The following FRMD4B variants were observed in gnomAD, a reference collection of about 807,000 sequenced individuals.
FRMD4B encodes the protein FERM domain containing 4B.
FRMD4B carries 74 observed loss-of-function variants against 141.5 expected under a neutral mutation model. That is an observed-to-expected ratio of 0.52 (90% CI 0.43 to 0.63). The LOEUF (loss-of-function observed/expected upper bound fraction) is 0.63, where lower values mean the gene tolerates loss of function less well. FRMD4B is among the 30% of genes least tolerant of loss of function. The probability of loss-of-function intolerance (pLI) is 0.00; values close to 1 mark genes in which losing one functional copy is unlikely to be tolerated. For synonymous variants in FRMD4B, 506 were observed against 467.9 expected, an observed-to-expected ratio of 1.08 and a Z score of -1.05; for missense variants, 1,366 against 1,253.4, an observed-to-expected ratio of 1.09 and a Z score of -1.36.
intron 22 of FRMD4B, 91 bp downstream of exon 22, chr3:69,176,433 G>C (rs2092646795): frequency 3.5e-6 from 4 of 1,137,226 alleles, no homozygotes; most frequent in African/African-American, 3.1e-5. Context: ...GCCAACCCCT[G>C]AACTAGATTA....
At chr3:69,440,002 G>A (rs145586400) in intron 1 of FRMD4B, among the ~76,000 whole-genome samples, 222 of 152,214 alleles carry the variant, frequency 1.5e-3, no homozygotes, top group African/African-American at 4.9e-3. Context: ...GTTATTTGGG[G>A]TTGCAAATGC....
chr3:69,321,939 C>G (rs572346832), intron 1 of FRMD4B, among the ~76,000 whole-genome samples: 156 of 152,242 alleles, frequency 1.0e-3, no homozygotes, highest in African/African-American at 3.6e-3. Flanking sequence ...AACCCCCAGG[C>G]TCAAGTAGTC....
chr3:69,318,013 C>A (rs1335663641), intron 1 of FRMD4B, among the ~76,000 whole-genome samples: 1 of 152,044 alleles, frequency 6.6e-6, no homozygotes. Flanking sequence ...ACTCTGTCAC[C>A]CAGGCTGGAA....
At chr3:69,250,491 TC>T (rs1559752645) in intron 5 of FRMD4B, among the ~76,000 whole-genome samples, 1 of 152,186 alleles carries the variant, frequency 6.6e-6, no homozygotes, top group African/African-American at 2.4e-5. Context: ...TTGAGTGTTT[TC>T]CTGGGATAAT....
intron 1 of FRMD4B, among the ~76,000 whole-genome samples, chr3:69,456,686 T>C (rs1435457330): frequency 1.3e-5 from 2 of 149,518 alleles, no homozygotes; most frequent in Non-Finnish European, 3.0e-5. Flanking sequence ...CACTAATGAA[T>C]ATTTAAATAC....
At chr3:69,205,690 T>C (rs1419867795) in intron 11 of FRMD4B, among the ~76,000 whole-genome samples, 1 of 152,130 alleles carries the variant, frequency 6.6e-6, no homozygotes, top group Admixed American at 6.5e-5. Flanking sequence ...TGCCAACATC[T>C]TACAGTGCAC....
chr3:69,496,643 G>GAA (rs1706401584), intron 1 of FRMD4B, among the ~76,000 whole-genome samples: 12 of 91,852 alleles, frequency 1.3e-4, no homozygotes, highest in African/African-American at 6.3e-4. Context: ...GAGAAAGAGA[G>GAA]AGAGAGAGAG....
intron 1 of FRMD4B, among the ~76,000 whole-genome samples, chr3:69,318,502 A>G (rs1377846856): frequency 6.6e-6 from 1 of 152,194 alleles, no homozygotes; most frequent in East Asian, 1.9e-4. Flanking sequence ...TTGGTGGAAC[A>G]CCACACAGGG....
chr3:69,196,909 C>T lies in FRMD4B; in HGVS notation c.1083G>A (p.Lys361=). ...ISQHQFYLDR[K]QSKAKIPSAR... ...GATGCCAGTTACTTACTTTGCTTTG[C>T]TTCCGGTCCAAGTAAAACTGATGCT... The change falls in exon 13 of 23, where the codon AAG becomes AAA. Residue 361 remains lysine, a synonymous_variant. Transcript: ENST00000398540. 3.1e-6 allele frequency: 5 copies of T among 1,611,206 alleles called. No individual in the cohort carries two copies. Among genetic ancestry groups the T allele is most frequent in the Non-Finnish European group, 4.2e-6 (5 of 1,177,674 alleles).
rs1468764618 is a variant in FRMD4B, at chr3:69,427,641, ATGT to A, written c.-1+4990_-1+4992del. 3.7e-3 allele frequency among the ~76,000 whole-genome samples: 276 copies of A among 74,530 alleles called. 2 individuals are homozygous for A. Among genetic ancestry groups the A allele is most frequent in the African/African-American group, 0.014 (269 of 19,010 alleles). The allele number at this position is 74,530 out of a possible 152,430, so 48.9% of individuals were successfully genotyped here. A position where few individuals can be genotyped will look rare whatever the true frequency, so the allele number is the denominator to read the frequency against. On this transcript the variant is annotated intron_variant, in intron 2 of 5. Coordinates refer to the FRMD4B transcript ENST00000459638. ...CTGTGTTTAGTAAGAAGCTAGGTAA[ATGT>A]TTTTTTTTTTTTTTTTTTTTTTTTT...
At chr3:69,188,689 G>A (rs938384212) in intron 18 of FRMD4B, among the ~76,000 whole-genome samples, 1 of 149,424 alleles carries the variant, frequency 6.7e-6, no homozygotes, top group Non-Finnish European at 1.5e-5. Flanking sequence ...CCCGGGAAGC[G>A]GAGCTTGCAG....
chr3:69,250,205 G>C, intron 5 of FRMD4B, 106 bp from the exon 6 acceptor site: 1 of 809,142 alleles, frequency 1.2e-6, no homozygotes. Flanking sequence ...TCCAGTTTAC[G>C]ATCAAATGCA....
At chr3:69,316,337 G>A (rs1404323932) in intron 1 of FRMD4B, among the ~76,000 whole-genome samples, 1 of 152,100 alleles carries the variant, frequency 6.6e-6, no homozygotes, top group Non-Finnish European at 1.5e-5. Flanking sequence ...GCACTGAGCT[G>A]GGCTTTTTAC....
chr3:69,185,073 G>A (rs1241799533), intron 19 of FRMD4B, among the ~76,000 whole-genome samples: 1 of 152,136 alleles, frequency 6.6e-6, no homozygotes, highest in African/African-American at 2.4e-5. Context: ...GGAGGCCGAG[G>A]TGGGTGGATC....
intron 2 of FRMD4B, among the ~76,000 whole-genome samples, chr3:69,418,096 T>C (rs958189438): frequency 5.3e-5 from 8 of 152,186 alleles, no homozygotes; most frequent in African/African-American, 1.9e-4. Context: ...TGTATATATA[T>C]GGTAACATTT....
At chr3:69,369,123 A>G (rs1484574365) in intron 1 of FRMD4B, among the ~76,000 whole-genome samples, 1 of 152,256 alleles carries the variant, frequency 6.6e-6, no homozygotes, top group Non-Finnish European at 1.5e-5. Flanking sequence ...TATAAGTTTA[A>G]AAGTAATGCT....
Position 69,267,939 on chromosome 3 carries a change from A to C in FRMD4B, c.502-17840T>G, listed in dbSNP as rs143919455. On this transcript the variant is annotated intron_variant, in intron 5 of 22. Coordinates refer to ENST00000398540, the MANE Select transcript of FRMD4B (RefSeq NM_015123.3). ...TGGGCCACTGTGCCTGGCCTAATAC[A>C]TATTTTTAAGTGAATTAATCTATAC... Among the ~76,000 whole-genome samples, 971 of 151,948 alleles carry C rather than the reference A, an allele frequency of 6.4e-3. 5 individuals are homozygous for C. Among genetic ancestry groups the C allele is most frequent in the Middle Eastern group, 0.041 (12 of 294 alleles).
intron 16 of FRMD4B, among the ~76,000 whole-genome samples, chr3:69,194,657 T>C (rs2092879048): frequency 6.6e-6 from 1 of 152,152 alleles, no homozygotes; most frequent in South Asian, 2.1e-4. Flanking sequence ...ATTTTACAGA[T>C]GAGGAAAACT....
At chr3:69,219,320 G>A (rs938551853) in intron 9 of FRMD4B, among the ~76,000 whole-genome samples, 4 of 151,694 alleles carry the variant, frequency 2.6e-5, no homozygotes, top group African/African-American at 9.7e-5. Context: ...TGAGGCTCCT[G>A]TTTTAACGCA....
Sources: gnomAD v4.1 joint callset for allele counts (sites outside exome capture counted in the v4.1 genomes callset) on GRCh38, gnomAD v4.1.1 for gene constraint, MANE v1.5 for transcripts, NCBI Gene and HGNC (gene_info 2026-07-23, HGNC 2026-07-21) for gene names.